Variants in MYLK observed in about 807,000 individuals in gnomAD.
MYLK encodes myosin light chain kinase.
A neutral mutation model predicts 203.4 loss-of-function variants in MYLK; 106 were observed. The ratio of observed to expected loss-of-function variants is 0.52; its 90% CI spans 0.45 to 0.61. MYLK has a LOEUF of 0.61. MYLK is among the 20% of genes least tolerant of loss of function. The probability of loss-of-function intolerance (pLI) is 0.00; values close to 1 mark genes in which losing one functional copy is unlikely to be tolerated. For synonymous variants in MYLK, 867 were observed against 959.5 expected (o/e 0.90, Z 1.78); for missense variants, 2,072 against 2,442.3 (o/e 0.85, Z 3.20).
At chr3:123,824,336 C>T (rs763573923) in intron 3 of MYLK, among the ~76,000 whole-genome samples, 4 of 152,158 alleles carry the variant, frequency 2.6e-5, no homozygotes, top group Non-Finnish European at 4.4e-5. Context: ...GTGATCCATC[C>T]GCCTTGGTCT....
chr3:123,791,280 C>T (rs1228203443), intron 4 of MYLK, among the ~76,000 whole-genome samples: 1 of 152,196 alleles, frequency 6.6e-6, no homozygotes, highest in Non-Finnish European at 1.5e-5. Flanking sequence ...AACTCCTGCT[C>T]AAAACCCATG....
intron 20 of MYLK, among the ~76,000 whole-genome samples, chr3:123,671,623 T>C (rs1030221066): frequency 5.9e-5 from 9 of 151,596 alleles, no homozygotes; most frequent in Non-Finnish European, 1.3e-4. Context: ...GAGCAAACAG[T>C]GGGGAGTAAA....
intron 33 of MYLK, 80 bp from the exon 34 acceptor site, chr3:123,614,429 CT>C (rs1310541281): frequency 6.4e-7 from 1 of 1,568,454 alleles, no homozygotes; most frequent in Non-Finnish European, 8.7e-7. Flanking sequence ...AACTTGTAAG[CT>C]ACCACTATTG....
At chr3:123,850,276 G>C (rs1046653045) in intron 2 of MYLK, among the ~76,000 whole-genome samples, 4 of 152,282 alleles carry the variant, frequency 2.6e-5, no homozygotes, top group African/African-American at 9.6e-5. Flanking sequence ...GGATGGCTGG[G>C]TGAAATAGTA....
intron 29 of MYLK, among the ~76,000 whole-genome samples, chr3:123,632,030 C>T (rs1576372379): frequency 6.6e-6 from 1 of 152,188 alleles, no homozygotes; most frequent in South Asian, 2.1e-4. Context: ...CCACCACACC[C>T]AGCTATTTTT....
At chr3:123,720,978 T>C (rs1005395588) in intron 13 of MYLK, among the ~76,000 whole-genome samples, 5 of 152,202 alleles carry the variant, frequency 3.3e-5, no homozygotes, top group South Asian at 2.1e-4. Flanking sequence ...GGGTGCAGCT[T>C]TGCAGACTAA....
chr3:123,867,462 T>C (rs914324023), intron 2 of MYLK, among the ~76,000 whole-genome samples: 6 of 148,374 alleles, frequency 4.0e-5, no homozygotes, highest in African/African-American at 9.9e-5. Flanking sequence ...TTTGGATGCA[T>C]TGGACGCAGA....
chr3:123,864,730 T>G (rs1346681997), intron 2 of MYLK, among the ~76,000 whole-genome samples: 1 of 152,000 alleles, frequency 6.6e-6, no homozygotes, highest in African/African-American at 2.4e-5. Context: ...CATAGTGAGA[T>G]CCTGTCTTTA....
At chr3:123,756,141 G>C (rs989199161) in intron 4 of MYLK, among the ~76,000 whole-genome samples, 1 of 152,200 alleles carries the variant, frequency 6.6e-6, no homozygotes, top group African/African-American at 2.4e-5. Context: ...TTGGTTTCCA[G>C]GTTGAGTGGT....
chr3:123,881,015 A>G (rs956989375), intron 1 of MYLK, among the ~76,000 whole-genome samples: 1 of 152,208 alleles, frequency 6.6e-6, no homozygotes, highest in African/African-American at 2.4e-5. Flanking sequence ...ACGAATGGAA[A>G]AGTGTGCAGC....
intron 19 of MYLK, chr3:123,691,507 C>T (rs959992879): frequency 1.3e-5 from 2 of 152,234 alleles, no homozygotes; most frequent in African/African-American, 4.8e-5. Flanking sequence ...ACAATTAATT[C>T]GTGCTGCCAT....
intron 29 of MYLK, 30 bp downstream of exon 29, chr3:123,638,041 C>T: frequency 6.2e-7 from 1 of 1,612,944 alleles, no homozygotes. Flanking sequence ...CCAAGTGGTC[C>T]ACCAGTCCAC....
chr3:123,720,437 C>T (rs1031094665), intron 13 of MYLK, among the ~76,000 whole-genome samples: 44 of 152,152 alleles, frequency 2.9e-4, no homozygotes, highest in African/African-American at 9.7e-4. Flanking sequence ...GGCTGAGCCA[C>T]GGCGGCTCTA....
rs1457363329 is a variant in MYLK at position 123,640,284 on chromosome 3, T to C, written c.4837+3A>G. On this transcript the variant is annotated splice_donor_region_variant and intron_variant, in intron 28 of 33. Coordinates refer to ENST00000360304, the MANE Select transcript of MYLK (RefSeq NM_053025.4). This position sits in a 1 kb window ranked among gnomAD's most constrained non-coding sequence, Gnocchi z 4.3. ...GTCCATGGGAGAGGCAGATGAGCCT[T>C]ACCCAGCCTCCTGGCCAGACCAAAG... The C allele has an allele frequency of 2.5e-6, 4 of 1,613,642 alleles. No individual in the cohort carries two copies. Among genetic ancestry groups the C allele is most frequent in the African/African-American group, 2.7e-5 (2 of 74,758 alleles).
At chr3:123,862,806 T>C (rs924007375) in intron 2 of MYLK, among the ~76,000 whole-genome samples, 2 of 152,170 alleles carry the variant, frequency 1.3e-5, no homozygotes, top group Non-Finnish European at 2.9e-5. Flanking sequence ...CCTTCTCCCC[T>C]ACTTGTTCTT....
chr3:123,627,760 T>G (rs939649577), intron 30 of MYLK, among the ~76,000 whole-genome samples: 1 of 152,132 alleles, frequency 6.6e-6, no homozygotes, highest in African/African-American at 2.4e-5. Context: ...TTTTTTTAAG[T>G]GCTGATAGGT....
At chr3:123,767,857 G>A (rs1186106257) in intron 4 of MYLK, among the ~76,000 whole-genome samples, 1 of 152,322 alleles carries the variant, frequency 6.6e-6, no homozygotes, top group Non-Finnish European at 1.5e-5. Flanking sequence ...TTGAGAAGAT[G>A]ACTTTATTTT....
At chr3:123,768,231 T>C (rs2063766401) in intron 4 of MYLK, among the ~76,000 whole-genome samples, 1 of 152,222 alleles carries the variant, frequency 6.6e-6, no homozygotes, top group Non-Finnish European at 1.5e-5. Context: ...TTAAGAGCTT[T>C]ACAACTGGGT....
chr3:123,867,296 T>C (rs770882996), intron 2 of MYLK, among the ~76,000 whole-genome samples: 9 of 152,010 alleles, frequency 5.9e-5, no homozygotes, highest in Non-Finnish European at 1.2e-4. Flanking sequence ...AAAAATCTTA[T>C]TGAAGTCCTA....
Sources: gnomAD v4.1 joint callset for allele counts (sites outside exome capture counted in the v4.1 genomes callset) on GRCh38, gnomAD v4.1.1 for gene constraint, Gnocchi (gnomAD v3.1) non-coding constraint, MANE v1.5 for transcripts, NCBI Gene and HGNC (gene_info 2026-07-23, HGNC 2026-07-21) for gene names.